Variants in WWP2 observed in about 807,000 individuals in gnomAD.
The protein encoded by WWP2 is WW domain containing E3 ubiquitin protein ligase 2.
A neutral mutation model predicts 121.0 loss-of-function variants in WWP2; 57 were observed. The observed-to-expected ratio is 0.47, with a 90% CI of 0.38 to 0.59. The LOEUF (loss-of-function observed/expected upper bound fraction) is 0.59. Among genes scored for constraint, WWP2 ranks in the 20% least tolerant of loss-of-function variants. WWP2 has a pLI of 0.00. For missense variants in WWP2, 962 were observed against 1,158.9 expected (o/e 0.83, Z 2.47); for synonymous variants, 449 against 441.3 (o/e 1.02, Z -0.22).
intron 7 of WWP2, among the ~76,000 whole-genome samples, chr16:69,880,335 T>C (rs1277842563): frequency 6.6e-6 from 1 of 152,156 alleles, no homozygotes; most frequent in African/African-American, 2.4e-5. Flanking sequence ...GTTTCTTGTT[T>C]TGAGTAAGTC....
At chr16:69,808,659 C>T (rs1286690320) in intron 4 of WWP2, among the ~76,000 whole-genome samples, 1 of 152,254 alleles carries the variant, frequency 6.6e-6, no homozygotes, top group Non-Finnish European at 1.5e-5. Context: ...GCCTCGGCCT[C>T]CCAAAGTGTT....
chr16:69,919,028 G>A (rs534845052), intron 10 of WWP2, among the ~76,000 whole-genome samples: 9 of 132,706 alleles, frequency 6.8e-5, no homozygotes, highest in African/African-American at 2.6e-4. Flanking sequence ...ATTTTTAGTA[G>A]AGATGGGGTT....
At chr16:69,938,816 C>A (rs2058836868) in intron 21 of WWP2, among the ~76,000 whole-genome samples, 1 of 152,212 alleles carries the variant, frequency 6.6e-6, no homozygotes, top group African/African-American at 2.4e-5. Flanking sequence ...CCAGAGATGT[C>A]CCATGGACTG....
At chr16:69,918,734 C>T (rs572415096) in intron 10 of WWP2, among the ~76,000 whole-genome samples, 1 of 152,196 alleles carries the variant, frequency 6.6e-6, no homozygotes, top group Non-Finnish European at 1.5e-5. Context: ...TGGCCTGTTC[C>T]CCTCAGAGCA....
intron 6 of WWP2, among the ~76,000 whole-genome samples, chr16:69,856,158 C>T (rs748417497): frequency 2.2e-4 from 34 of 152,062 alleles, no homozygotes; most frequent in Admixed American, 6.6e-5. Context: ...AACTTAACAA[C>T]GTGAATGACT....
At chr16:69,927,620 C>A (rs2058657911) in intron 11 of WWP2, among the ~76,000 whole-genome samples, 1 of 152,214 alleles carries the variant, frequency 6.6e-6, no homozygotes. Flanking sequence ...GGACAGATCC[C>A]CCTGGCCCTG....
chr16:69,775,903 T>C (rs1239795143), intron 1 of WWP2, among the ~76,000 whole-genome samples: 1 of 152,244 alleles, frequency 6.6e-6, no homozygotes, highest in East Asian at 1.9e-4. Flanking sequence ...TTGGTCTGTG[T>C]TTAATGATTG....
intron 9 of WWP2, chr16:69,909,169 G>C (rs753519439): frequency 1.9e-6 from 2 of 1,038,344 alleles, no homozygotes; most frequent in Middle Eastern, 4.7e-4. Flanking sequence ...TCGTGAGAAT[G>C]CCGCCAAGTT....
rs2058498745 is a variant in WWP2 at position 69,917,834 on chromosome 16, A to T, written c.1130A>T (p.Asn377Ile). 2 of 1,613,884 alleles carry T rather than the reference A, an allele frequency of 1.2e-6. No individual in the cohort carries two copies. The change falls in exon 10 of 24, where the codon AAT becomes ATT. Residue 377 changes from asparagine (N) to isoleucine (I), a missense_variant. By Grantham distance (149) the Asn-to-Ile change is moderately radical. Coordinates refer to ENST00000359154, the MANE Select transcript of WWP2 (RefSeq NM_001270454.2). Reference protein sequence around the residue: ...RNYEQWQSQRNQLQGAMQHFS... With the variant: ...RNYEQWQSQRIQLQGAMQHFS... ...TATGAGCAGTGGCAGTCGCAGCGGA[A>T]TCAGCTCCAGGGGGCCATGCAGCAC...
At position 69,798,670 on chromosome 16, in the gene WWP2, T is replaced by A; in HGVS notation, c.71-12T>A. ...GGACTCATCTTTGACTTTTTCTTTC[T>A]TTCTCTCCCAGTGGTGTCCGCAAAG... On this transcript the variant is annotated splice_polypyrimidine_tract_variant and intron_variant, in intron 2 of 23. Coordinates refer to ENST00000359154, the MANE Select transcript of WWP2 (RefSeq NM_001270454.2). 6.2e-7 allele frequency: 1 copy of A among 1,611,560 alleles called. No homozygotes were observed. Among genetic ancestry groups the A allele is most frequent in the South Asian group, 1.1e-5 (1 of 90,926 alleles).
intron 4 of WWP2, among the ~76,000 whole-genome samples, chr16:69,831,023 G>T: frequency 6.6e-6 from 1 of 152,094 alleles, no homozygotes; most frequent in East Asian, 1.9e-4. Flanking sequence ...ACTCTCACCC[G>T]CTTTTGATGG....
intron 8 of WWP2, among the ~76,000 whole-genome samples, chr16:69,903,107 A>G (rs1274974841): frequency 2.0e-5 from 3 of 152,252 alleles, no homozygotes; most frequent in African/African-American, 2.4e-5. Flanking sequence ...GGGGGTTCAT[A>G]GAAGGACATT....
intron 1 of WWP2, among the ~76,000 whole-genome samples, chr16:69,775,495 C>G (rs1425961442): frequency 6.6e-6 from 1 of 152,168 alleles, no homozygotes; most frequent in Non-Finnish European, 1.5e-5. Context: ...TGATTTCTAG[C>G]ATTTTCTGTT....
At chr16:69,849,419 G>C (rs1240232070) in intron 6 of WWP2, among the ~76,000 whole-genome samples, 1 of 152,154 alleles carries the variant, frequency 6.6e-6, no homozygotes, top group East Asian at 1.9e-4. Context: ...CTTAAAATCT[G>C]GGTATTGCCT....
intron 1 of WWP2, among the ~76,000 whole-genome samples, chr16:69,773,160 C>T (rs1031806067): frequency 3.3e-5 from 5 of 151,798 alleles, no homozygotes; most frequent in South Asian, 2.1e-4. Context: ...TCATTGTATT[C>T]TGTTCCTACC....
intron 4 of WWP2, among the ~76,000 whole-genome samples, chr16:69,827,197 GAA>G (rs983340679): frequency 1.3e-5 from 2 of 149,272 alleles, no homozygotes; most frequent in African/African-American, 4.9e-5. Context: ...ATTGAACAAA[GAA>G]AATCTTTGTT....
chr16:69,821,006 G>A (rs1291089388), intron 4 of WWP2, among the ~76,000 whole-genome samples: 1 of 152,268 alleles, frequency 6.6e-6, no homozygotes, highest in Non-Finnish European at 1.5e-5. Context: ...GAGGCTATGG[G>A]CTGAGCCCAG....
intron 4 of WWP2, among the ~76,000 whole-genome samples, chr16:69,836,176 T>C (rs2056873782): frequency 6.6e-6 from 1 of 152,214 alleles, no homozygotes; most frequent in African/African-American, 2.4e-5. Flanking sequence ...ATTCAGTTTG[T>C]ATGCAAATTT....
At chr16:69,870,257 T>C (rs1251588030) in intron 6 of WWP2, among the ~76,000 whole-genome samples, 1 of 152,076 alleles carries the variant, frequency 6.6e-6, no homozygotes, top group Non-Finnish European at 1.5e-5. Context: ...GTGAATATTA[T>C]ATACTTCTGT....
Sources: gnomAD v4.1 joint callset for allele counts (sites outside exome capture counted in the v4.1 genomes callset) on GRCh38, gnomAD v4.1.1 for gene constraint, MANE v1.5 for transcripts, NCBI Gene and HGNC (gene_info 2026-07-23, HGNC 2026-07-21) for gene names.